Variants in ZFYVE26 observed in about 807,000 individuals in gnomAD.
The protein encoded by ZFYVE26 is zinc finger FYVE domain-containing protein 26.
In ZFYVE26, 181 loss-of-function variants were observed where a neutral mutation model predicts 276.5. That is an observed-to-expected ratio of 0.65 (90% CI 0.58 to 0.74). The LOEUF is 0.74. ZFYVE26 is among the 30% of genes least tolerant of loss of function. The pLI, the probability that ZFYVE26 is intolerant of heterozygous loss-of-function variation, is 0.00. For missense variants in ZFYVE26, 2,821 were observed against 3,097.9 expected, an observed-to-expected ratio of 0.91 and a Z score of 2.12; for synonymous variants, 1,129 against 1,203.1, an observed-to-expected ratio of 0.94 and a Z score of 1.27.
Position 67,748,592 on chromosome 14 carries a change from A to C in ZFYVE26, c.7464T>G (p.Ile2488Met), listed in dbSNP as rs1467779088. 28 of 1,614,072 alleles carry C rather than the reference A, an allele frequency of 1.7e-5. No homozygotes were observed. Among genetic ancestry groups the C allele is most frequent in the Non-Finnish European group, 2.4e-5 (28 of 1,180,052 alleles). The change falls in exon 42 of 42, where the codon ATT becomes ATG. Residue 2488 changes from isoleucine (I) to methionine (M), a missense_variant. Ile to Met is a conservative substitution (Grantham distance 10, BLOSUM62 1). Coordinates refer to ENST00000347230, the MANE Select transcript of ZFYVE26 (RefSeq NM_015346.4). ...ICCKLRSAYL[I>M]AVKQEHSRAT... ...CCCGTGAGTGTTCTTGCTTCACAGC[A>C]ATCAAGTAGGCAGAACGCAGTTTGC...
intron 3 of ZFYVE26, among the ~76,000 whole-genome samples, chr14:67,812,469 C>T (rs2040323287): frequency 6.6e-6 from 1 of 152,168 alleles, no homozygotes; most frequent in Admixed American, 6.5e-5. Flanking sequence ...CAGTAAATTC[C>T]TAGATGATGA....
intron 1 of ZFYVE26, among the ~76,000 whole-genome samples, 186 bp downstream of exon 1, chr14:67,816,348 C>T (rs1369821644): frequency 6.6e-6 from 1 of 152,170 alleles, no homozygotes; most frequent in African/African-American, 2.4e-5. Flanking sequence ...AGGTGGTCGC[C>T]TCCTCAAGAA....
At chr14:67,762,028 A>G in intron 34 of ZFYVE26, 175 bp downstream of exon 34, 1 of 650,436 alleles carries the variant, frequency 1.5e-6, no homozygotes, top group Middle Eastern at 4.1e-4. Flanking sequence ...TACTTATCTA[A>G]CCATATATGG....
chr14:67,729,299 A>G, exon 14 of ZFYVE26: 1 of 1,602,794 alleles, frequency 6.2e-7, no homozygotes, highest in Non-Finnish European at 8.5e-7. Flanking sequence ...CCCTTTGTCA[A>G]GACGGCACGG....
At chr14:67,750,866 C>A in intron 41 of ZFYVE26, 186 bp downstream of exon 41, 1 of 731,066 alleles carries the variant, frequency 1.4e-6, no homozygotes, top group Non-Finnish European at 2.4e-6. Context: ...AGTCCATGTT[C>A]ACCTGCTCCT....
intron 15 of ZFYVE26, among the ~76,000 whole-genome samples, chr14:67,789,949 T>C (rs115475771): frequency 0.011 from 1,718 of 152,364 alleles, 42 homozygotes; most frequent in African/African-American, 0.039. Flanking sequence ...AACCTATTTA[T>C]ATTAAAAACA....
intron 3 of ZFYVE26, among the ~76,000 whole-genome samples, chr14:67,811,514 G>A (rs901945650): frequency 1.3e-5 from 2 of 152,076 alleles, no homozygotes; most frequent in African/African-American, 4.8e-5. Context: ...AAAAAGCAGA[G>A]GATTGAGGTC....
Position 67,748,219 on chromosome 14 carries a change from C to A in ZFYVE26, c.*217G>T, listed in dbSNP as rs1290712217. On this transcript the variant is annotated 3_prime_UTR_variant, in exon 42 of 42. Coordinates refer to ENST00000347230, the MANE Select transcript of ZFYVE26 (RefSeq NM_015346.4). ...GTAGAAAGAACTGGCCATCTCCAGA[C>A]AAACACACATAGATTCCACAATTTT... is the stretch of plus-strand genomic sequence containing the variant. 1.3e-5 allele frequency: 8 copies of A among 601,316 alleles called. No individual in the cohort carries two copies. Among genetic ancestry groups the A allele is most frequent in the African/African-American group, 3.7e-5 (2 of 53,910 alleles). 37.2% of individuals were successfully genotyped at this position (601,316 alleles called of 1,614,324 possible).
rs1001905887 is a variant in ZFYVE26 at position 67,731,202 on chromosome 14, T to C, written n.2680-1383A>G. ...AATTGTGTTTCTCATCATATTTCTT[T>C]CTTTCTTTTTTTTTTTTTTTTTTTT... On this transcript the variant is annotated intron_variant and non_coding_transcript_variant, in intron 13 of 14. Coordinates refer to the ZFYVE26 transcript ENST00000394455. Among the ~76,000 whole-genome samples, 8 of 141,450 alleles carry C rather than the reference T, an allele frequency of 5.7e-5. No individual in the cohort carries two copies. The South Asian group carries it at 1.8e-3, about 32-fold the overall frequency. The allele number at this position is 141,450 out of a possible 152,430, so 92.8% of individuals were successfully genotyped here. A position where few individuals can be genotyped will look rare whatever the true frequency, so the allele number is the denominator to read the frequency against.
At chr14:67,805,140 T>C (rs1225676083) in intron 8 of ZFYVE26, 77 bp downstream of exon 8, 22 of 1,440,898 alleles carry the variant, frequency 1.5e-5, no homozygotes, top group Non-Finnish European at 1.9e-5. Context: ...GGAAAACGCC[T>C]TGAAATGGCC....
At chr14:67,775,838 C>A (rs73278446) in intron 26 of ZFYVE26, 22 bp downstream of exon 26, 1 of 1,613,918 alleles carries the variant, frequency 6.2e-7, no homozygotes, top group East Asian at 2.2e-5. Context: ...GTAGAATCCC[C>A]TTCTAGGATG....
chr14:67,767,479 T>C (rs757094112), intron 31 of ZFYVE26, among the ~76,000 whole-genome samples: 3 of 151,952 alleles, frequency 2.0e-5, no homozygotes, highest in African/African-American at 4.8e-5. Flanking sequence ...CTTCCAAAGC[T>C]CATCTTAAAT....
intron 22 of ZFYVE26, among the ~76,000 whole-genome samples, 193 bp from the exon 23 acceptor site, chr14:67,780,538 A>G (rs1440408005): frequency 6.6e-6 from 1 of 152,178 alleles, no homozygotes; most frequent in Non-Finnish European, 1.5e-5. Flanking sequence ...AGGAAGAACA[A>G]GCAGGGAGTG....
At chr14:67,797,867 T>C in intron 11 of ZFYVE26, 112 bp from the exon 12 acceptor site, 1 of 1,566,782 alleles carries the variant, frequency 6.4e-7, no homozygotes, top group Non-Finnish European at 8.7e-7. Flanking sequence ...ACATGGAGCA[T>C]ACCCCAGTGT....
rs1438417104 is a variant in ZFYVE26, at chr14:67,762,746, T to C, written c.6085A>G (p.Ile2029Val). The change falls in exon 33 of 42, where the codon ATC (isoleucine) becomes GTC (valine). Residue 2029 changes from isoleucine to valine, a missense_variant. By Grantham distance (29) the Ile-to-Val change is conservative. Coordinates refer to ENST00000347230, the MANE Select transcript of ZFYVE26 (RefSeq NM_015346.4). ...CTGGTTACTGCAGCTGGCTGCAAGA[T>C]CTGATCCAAAGATGGCACGTGGCGA... is the stretch of plus-strand genomic sequence containing the variant. ...AYRHVPSLDQILQPAAVTRLR... is the reference protein window; with the variant it reads ...AYRHVPSLDQVLQPAAVTRLR... The C allele has an allele frequency of 6.2e-7, 1 of 1,614,210 alleles. No individual in the cohort carries two copies. The highest frequency in any genetic ancestry group is 8.5e-7 in the Non-Finnish European group (1 of 1,180,036).
At chr14:67,764,056 C>T (rs1338837620) in intron 32 of ZFYVE26, among the ~76,000 whole-genome samples, 12 of 152,096 alleles carry the variant, frequency 7.9e-5, no homozygotes, top group Non-Finnish European at 1.5e-5. Flanking sequence ...AAGGATGGGC[C>T]CTCATTATAG....
At chr14:67,798,879 C>T in intron 10 of ZFYVE26, 1 of 883,080 alleles carries the variant, frequency 1.1e-6, no homozygotes, top group South Asian at 1.7e-5. Context: ...CCTCCCCAGC[C>T]TTTTGGCCAC....
chr14:67,733,462 T>G (rs1436663193), intron 13 of ZFYVE26, among the ~76,000 whole-genome samples: 2 of 152,254 alleles, frequency 1.3e-5, no homozygotes, highest in Non-Finnish European at 2.9e-5. Flanking sequence ...TTGTTGCAGA[T>G]ATCCTAGAAT....
intron 3 of ZFYVE26, among the ~76,000 whole-genome samples, chr14:67,812,280 A>T (rs192429897): frequency 6.6e-6 from 1 of 152,346 alleles, no homozygotes; most frequent in Non-Finnish European, 1.5e-5. Context: ...ATAGACGTGA[A>T]CATTTCTGCA....
Sources: gnomAD v4.1 joint callset for allele counts (sites outside exome capture counted in the v4.1 genomes callset) on GRCh38, gnomAD v4.1.1 for gene constraint, MANE v1.5 for transcripts, NCBI Gene and HGNC (gene_info 2026-07-23, HGNC 2026-07-21) for gene names.